Variants in DAAM1 observed in about 807,000 individuals in gnomAD.
The protein encoded by DAAM1 is disheveled-associated activator of morphogenesis 1.
A neutral mutation model predicts 130.0 loss-of-function variants in DAAM1; 52 were observed. That is an observed-to-expected ratio of 0.40 (90% CI 0.32 to 0.50). DAAM1 has a LOEUF of 0.50. Ranked by LOEUF, DAAM1 falls within the 20% of genes least tolerant of loss-of-function variation. The pLI, the probability that DAAM1 is intolerant of heterozygous loss-of-function variation, is 0.61. For missense variants in DAAM1, 1,134 were observed against 1,303.8 expected, an observed-to-expected ratio of 0.87 and a Z score of 2.01; for synonymous variants, 452 against 444.5, an observed-to-expected ratio of 1.02 and a Z score of -0.21.
At chr14:59,234,723 T>C (rs1889235119) in intron 1 of DAAM1, among the ~76,000 whole-genome samples, 1 of 152,196 alleles carries the variant, frequency 6.6e-6, no homozygotes. Flanking sequence ...AAGGGAAGCT[T>C]CTAGCTTTTG....
intron 1 of DAAM1, among the ~76,000 whole-genome samples, chr14:59,224,691 G>A (rs555975708): frequency 6.6e-5 from 10 of 152,350 alleles, no homozygotes; most frequent in Middle Eastern, 3.4e-3. Flanking sequence ...TATTTTGCAC[G>A]TGAGAAAAAC....
chr14:59,221,553 C>T (rs1030964848), intron 1 of DAAM1, among the ~76,000 whole-genome samples: 1 of 152,162 alleles, frequency 6.6e-6, no homozygotes, highest in African/African-American at 2.4e-5. Flanking sequence ...GGCAGTTCTG[C>T]CTGGATTGGG....
At chr14:59,243,217 T>C (rs1201469530) in intron 1 of DAAM1, among the ~76,000 whole-genome samples, 3 of 152,164 alleles carry the variant, frequency 2.0e-5, no homozygotes, top group Non-Finnish European at 2.9e-5. Context: ...GTATCTGGTT[T>C]TGTATTTACC....
At chr14:59,319,216 C>T (rs759345050) in intron 4 of DAAM1, among the ~76,000 whole-genome samples, 5 of 152,128 alleles carry the variant, frequency 3.3e-5, no homozygotes, top group Non-Finnish European at 7.3e-5. Flanking sequence ...GCATCACCAG[C>T]AAGAGGACAA....
rs375777870 is a variant in DAAM1 at position 59,324,133 on chromosome 14, A to G, written c.780A>G (p.Leu260=). ...TGTTTTTCTATTTTTGATAGACATT[A>G]ATTAACGACTTGGATAAAAGCACTG... The part of the protein sequence containing the change: ...YASERTRFQT[L]INDLDKSTGR... The change falls in exon 7 of 25, where the codon TTA becomes TTG. Residue 260 remains leucine, a synonymous_variant. Coordinates refer to ENST00000360909, the MANE Select transcript of DAAM1 (RefSeq NM_001270520.2). The G allele has an allele frequency of 3.6e-6, 5 of 1,396,864 alleles. No homozygotes were observed. The African/African-American group carries it at 4.4e-5, about 12-fold the overall frequency. The allele number at this position is 1,396,864 out of a possible 1,614,324, so 86.5% of individuals were successfully genotyped here. A position where few individuals can be genotyped will look rare whatever the true frequency, so the allele number is the denominator to read the frequency against.
chr14:59,263,300 C>T (rs889802634), intron 1 of DAAM1, 141 bp from the exon 2 acceptor site: 85 of 661,958 alleles, frequency 1.3e-4, no homozygotes, highest in Non-Finnish European at 2.0e-4. Context: ...TCCAAACCCA[C>T]TCGGTGTTGT....
chr14:59,354,381 T>C (rs569135316), intron 19 of DAAM1, among the ~76,000 whole-genome samples: 15 of 152,266 alleles, frequency 9.9e-5, no homozygotes, highest in African/African-American at 3.6e-4. Flanking sequence ...TATTTTATTT[T>C]TTGGCTCAAG....
At chr14:59,272,608 T>C (rs28735836) in intron 2 of DAAM1, among the ~76,000 whole-genome samples, 4 of 136,942 alleles carry the variant, frequency 2.9e-5, no homozygotes, top group African/African-American at 5.1e-5. Flanking sequence ...TATATATATA[T>C]ACACACACAC....
intron 3 of DAAM1, among the ~76,000 whole-genome samples, chr14:59,310,377 C>A (rs1244955735): frequency 6.6e-6 from 1 of 152,112 alleles, no homozygotes; most frequent in Admixed American, 6.5e-5. Flanking sequence ...AAGTGATCCA[C>A]CCACCTCAGT....
At chr14:59,214,492 A>G (rs1041854170) in intron 1 of DAAM1, among the ~76,000 whole-genome samples, 2 of 152,198 alleles carry the variant, frequency 1.3e-5, no homozygotes, top group Non-Finnish European at 2.9e-5. Context: ...GTTTCTTCCC[A>G]TGTAGTTTGA....
intron 3 of DAAM1, among the ~76,000 whole-genome samples, chr14:59,311,199 T>G (rs1195204006): frequency 6.6e-6 from 1 of 152,180 alleles, no homozygotes; most frequent in Non-Finnish European, 1.5e-5. Flanking sequence ...TTTTGAAAAT[T>G]TTAGCATGCT....
chr14:59,336,866 T>C (rs1885646966), intron 15 of DAAM1, among the ~76,000 whole-genome samples: 1 of 152,214 alleles, frequency 6.6e-6, no homozygotes. Flanking sequence ...TGTCAGGTAC[T>C]ATACACAACG....
intron 19 of DAAM1, 64 bp downstream of exon 19, chr14:59,354,028 C>T (rs1886381575): frequency 6.7e-7 from 1 of 1,488,364 alleles, no homozygotes; most frequent in Non-Finnish European, 9.3e-7. Flanking sequence ...AAAGTGCAAT[C>T]CAAGTGCATA....
In DAAM1 at chr14:59,193,040, G is replaced by A. The variant is rs146468473; in HGVS notation, c.-38+4272G>A. Among the ~76,000 whole-genome samples, 627 of 151,406 alleles carry A rather than the reference G, an allele frequency of 4.1e-3. 2 individuals are homozygous for A. Among genetic ancestry groups the A allele is most frequent in the African/African-American group, 0.013 (548 of 41,516 alleles). ...TGAACTCCAGCCTGGACTACAGAGC[G>A]AGACTCCGTCTCAAAACAACAACAA... On this transcript the variant is annotated intron_variant, in intron 1 of 24. Transcript: ENST00000360909.
chr14:59,361,144 G>A (rs971895091), intron 22 of DAAM1, among the ~76,000 whole-genome samples: 1 of 152,220 alleles, frequency 6.6e-6, no homozygotes, highest in African/African-American at 2.4e-5. Flanking sequence ...ATCAGGATGA[G>A]TGGGCTGGGC....
At chr14:59,226,374 A>G (rs183045182) in intron 1 of DAAM1, among the ~76,000 whole-genome samples, 2 of 151,570 alleles carry the variant, frequency 1.3e-5, no homozygotes, top group Non-Finnish European at 2.9e-5. Context: ...ATTTAAGACA[A>G]ACACACACAC....
chr14:59,330,759 TA>T, intron 13 of DAAM1, 71 bp downstream of exon 13: 3 of 1,431,914 alleles, frequency 2.1e-6, no homozygotes, highest in Non-Finnish European at 2.8e-6. Flanking sequence ...CACCCTTAAG[TA>T]GAGAACTTCA....
In DAAM1 at chr14:59,324,294, G is replaced by C. The variant is rs1885127424; in HGVS notation, c.885+56G>C. The C allele has an allele frequency of 2.1e-6, 3 of 1,416,870 alleles. No homozygotes were observed. The East Asian group carries it at 7.5e-5, about 35-fold the overall frequency. The allele number at this position is 1,416,870 out of a possible 1,614,324, so 87.8% of individuals were successfully genotyped here. A position where few individuals can be genotyped will look rare whatever the true frequency, so the allele number is the denominator to read the frequency against. On this transcript the variant is annotated intron_variant, in intron 7 of 24. Transcript: ENST00000360909. ...TAGTAAATAATAATTTATAAAAAGTGATTATTATGTAGTCTAAAAACCACA... is the reference window on the plus strand; with the variant it reads ...TAGTAAATAATAATTTATAAAAAGTCATTATTATGTAGTCTAAAAACCACA...
At chr14:59,210,746 G>A (rs571457932) in intron 1 of DAAM1, among the ~76,000 whole-genome samples, 5 of 152,268 alleles carry the variant, frequency 3.3e-5, no homozygotes, top group Admixed American at 2.6e-4. Context: ...TGGTGTGACT[G>A]CTACAAAGAA....
Sources: allele counts gnomAD v4.1 joint callset (sites outside exome capture counted in the v4.1 genomes callset), GRCh38; gene constraint gnomAD v4.1.1; transcripts MANE v1.5; gene names NCBI Gene and HGNC (gene_info 2026-07-23, HGNC 2026-07-21).